Variants in KIRREL3 observed in about 807,000 individuals in gnomAD.
KIRREL3 encodes kin of IRRE-like protein 3.
A neutral mutation model predicts 89.7 loss-of-function variants in KIRREL3; 36 were observed. The ratio of observed to expected loss-of-function variants is 0.40; its 90% confidence interval spans 0.31 to 0.53. KIRREL3 has a LOEUF of 0.53. Ranked by LOEUF, KIRREL3 falls within the 20% of genes least tolerant of loss-of-function variation. KIRREL3 has a pLI of 0.49. For missense variants in KIRREL3, 864 were observed against 1,056.6 expected, an observed-to-expected ratio of 0.82 and a Z score of 2.53; for synonymous variants, 445 against 441.4, an observed-to-expected ratio of 1.01 and a Z score of -0.10.
Position 126,773,349 on chromosome 11 carries a change from C to T in KIRREL3, c.56-210437G>A, listed in dbSNP as rs1006610615. 2.6e-5 allele frequency among the ~76,000 whole-genome samples: 4 copies of T among 152,152 alleles called. No individual in the cohort carries two copies. Among genetic ancestry groups the T allele is most frequent in the Admixed American group, 6.5e-5 (1 of 15,278 alleles). ...AGTAGAACAAAAGGCTGGCCTCACC[C>T]GAGCAAGAAGGAACTCTCCAGCAGA... On this transcript the variant is annotated intron_variant, in intron 1 of 16. Transcript: ENST00000525144. This position sits in a 1 kb window ranked among gnomAD's most constrained non-coding sequence, Gnocchi z 4.2.
intron 1 of KIRREL3, among the ~76,000 whole-genome samples, chr11:126,818,620 TA>T (rs57094897): frequency 0.048 from 4,096 of 85,448 alleles, 83 homozygotes; most frequent in African/African-American, 0.099. Flanking sequence ...GTAGTAGTAG[TA>T]GTAGTGTGTG....
chr11:126,856,620 T>TG (rs1555061752), intron 1 of KIRREL3, among the ~76,000 whole-genome samples: 1 of 11,912 alleles, frequency 8.4e-5, no homozygotes, highest in Non-Finnish European at 1.6e-4. Flanking sequence ...CAGACATATA[T>TG]TTTTTTTTTC....
chr11:126,626,418 C>A (rs1943786380), intron 1 of KIRREL3, among the ~76,000 whole-genome samples: 1 of 152,228 alleles, frequency 6.6e-6, no homozygotes, highest in Non-Finnish European at 1.5e-5. Flanking sequence ...CATTCAGTAA[C>A]CAGCATGGCA....
Position 126,516,447 on chromosome 11 carries a change from A to T in KIRREL3, c.433+4868T>A, listed in dbSNP as rs1958411818. ...TTACCACCTCACATCCTGTACAGCAATGCAATTTATGGTTTAATCCGTGCA... is the reference window on the plus strand; with the variant it reads ...TTACCACCTCACATCCTGTACAGCATTGCAATTTATGGTTTAATCCGTGCA... On this transcript the variant is annotated intron_variant, in intron 4 of 16. Coordinates refer to ENST00000525144, the MANE Select transcript of KIRREL3 (RefSeq NM_032531.4). The surrounding 1 kb of genome is among the most constrained non-coding windows in gnomAD (Gnocchi z 4.9). Among the ~76,000 whole-genome samples the T allele has an allele frequency of 6.6e-6, 1 of 152,090 alleles. No homozygotes were observed. The highest frequency in any genetic ancestry group is 1.5e-5 in the Non-Finnish European group (1 of 68,016).
rs1051702859 is a variant in KIRREL3, at chr11:126,689,543, C to T, written c.56-126631G>A. Among the ~76,000 whole-genome samples the T allele has an allele frequency of 1.3e-5, 2 of 152,220 alleles. No individual in the cohort carries two copies. The highest frequency in any genetic ancestry group is 2.9e-5 in the Non-Finnish European group (2 of 68,038). ...AGAGTTTCCAGCTGCCTTCTTGTCA[C>T]CTGGCTCTACCTTACCTTGACACTC... is the stretch of plus-strand genomic sequence containing the variant. On this transcript the variant is annotated intron_variant, in intron 1 of 16. Transcript: ENST00000525144. The surrounding 1 kb of genome is among the most constrained non-coding windows in gnomAD (Gnocchi z 5.2).
rs1004135311 is a variant in KIRREL3 at position 126,498,961 on chromosome 11, T to C, written c.433+22354A>G. On this transcript the variant is annotated intron_variant, in intron 4 of 16. Transcript: ENST00000525144. This position sits in a 1 kb window ranked among gnomAD's most constrained non-coding sequence, Gnocchi z 4.3. The stretch of plus-strand genomic sequence containing the variant: ...GGGTGGATCACCTGAGGTCATGAGT[T>C]TGAGACCAGCTTGGGCAACATGGCC... Among the ~76,000 whole-genome samples, 1 of 152,016 alleles carries C rather than the reference T, an allele frequency of 6.6e-6. No individual in the cohort carries two copies. The highest frequency in any genetic ancestry group is 2.4e-5 in the African/African-American group (1 of 41,366).
At chr11:126,785,749 C>T (rs1950467218) in intron 1 of KIRREL3, among the ~76,000 whole-genome samples, 1 of 151,830 alleles carries the variant, frequency 6.6e-6, no homozygotes, top group African/African-American at 2.4e-5. Flanking sequence ...TGGTGCGCAC[C>T]TGTAGTCCCA....
rs1938337525 is a variant in KIRREL3, at chr11:126,541,162, C to T, written c.134-14475G>A. On this transcript the variant is annotated intron_variant, in intron 2 of 16. Coordinates refer to ENST00000525144, the MANE Select transcript of KIRREL3 (RefSeq NM_032531.4). The surrounding 1 kb of genome is among the most constrained non-coding windows in gnomAD (Gnocchi z 4.8). Reference sequence around the variant, plus strand: ...TCATGGATTGGCTGACTCCAAGATGCCCAGCACCTCTTGCTCCCATGTCTA... The same window carrying T: ...TCATGGATTGGCTGACTCCAAGATGTCCAGCACCTCTTGCTCCCATGTCTA... Among the ~76,000 whole-genome samples, 1 of 152,140 alleles carries T rather than the reference C, an allele frequency of 6.6e-6. No homozygotes were observed. The highest frequency in any genetic ancestry group is 6.5e-5 in the Admixed American group (1 of 15,276).
Position 126,459,106 on chromosome 11 carries a change from A to C in KIRREL3, c.743-2652T>G, listed in dbSNP as rs1412721917. On this transcript the variant is annotated intron_variant, in intron 6 of 16. Coordinates refer to ENST00000525144, the MANE Select transcript of KIRREL3 (RefSeq NM_032531.4). The surrounding 1 kb of genome is among the most constrained non-coding windows in gnomAD (Gnocchi z 4.8). ...ACGCATTGCTGGCCCGTGCCCTCGC[A>C]TTATAAAGGCCAACGCTGGGACGTG... 6.6e-6 allele frequency among the ~76,000 whole-genome samples: 1 copy of C among 152,098 alleles called. No homozygotes were observed. Among genetic ancestry groups the C allele is most frequent in the Non-Finnish European group, 1.5e-5 (1 of 68,022 alleles).
intron 1 of KIRREL3, among the ~76,000 whole-genome samples, chr11:126,819,876 C>T (rs10736556): frequency 0.28 from 42,216 of 152,102 alleles, 5,973 homozygotes; most frequent in East Asian, 0.43. Flanking sequence ...ACTCTCCCGA[C>T]GCACCCCAAA....
Position 126,516,025 on chromosome 11 carries a change from C to A in KIRREL3, c.433+5290G>T, listed in dbSNP as rs1422103066. On this transcript the variant is annotated intron_variant, in intron 4 of 16. Coordinates refer to ENST00000525144, the MANE Select transcript of KIRREL3 (RefSeq NM_032531.4). The surrounding 1 kb of genome is among the most constrained non-coding windows in gnomAD (Gnocchi z 4.9). ...GGGAGATTGGGGGAGGCTGCCAACG[C>A]GGTGGGCTGAGGAGGCCCTGCAGCT... Among the ~76,000 whole-genome samples the A allele has an allele frequency of 6.6e-6, 1 of 152,260 alleles. No individual in the cohort carries two copies. The highest frequency in any genetic ancestry group is 6.5e-5 in the Admixed American group (1 of 15,300).
At chr11:126,488,522 T>C (rs1957425522) in intron 4 of KIRREL3, among the ~76,000 whole-genome samples, 1 of 152,234 alleles carries the variant, frequency 6.6e-6, no homozygotes, top group Non-Finnish European at 1.5e-5. Flanking sequence ...CCCACTGCCT[T>C]CTCTTGTGTG....
At chr11:126,446,239 CTCTT>C (rs1189701551) in intron 9 of KIRREL3, among the ~76,000 whole-genome samples, 1 of 137,730 alleles carries the variant, frequency 7.3e-6, no homozygotes, top group Admixed American at 7.5e-5. Flanking sequence ...GTTTAAAAGG[CTCTT>C]TCTTTCTCTT....
Position 126,631,075 on chromosome 11 carries a change from T to C in KIRREL3, c.56-68163A>G, listed in dbSNP as rs139191266. ...CATACACAGTGACACAGTAGCTACT[T>C]CGTGTTCCCTCTTCATTCAGTTGTC... On this transcript the variant is annotated intron_variant, in intron 1 of 16. Transcript: ENST00000525144. Among the ~76,000 whole-genome samples, 100 of 152,318 alleles carry C rather than the reference T, an allele frequency of 6.6e-4. 1 individual carries two copies. The highest frequency in any genetic ancestry group is 2.3e-3 in the African/African-American group (97 of 41,572).
chr11:126,894,296 G>A (rs1946049716), intron 1 of KIRREL3, among the ~76,000 whole-genome samples: 1 of 152,146 alleles, frequency 6.6e-6, no homozygotes, highest in Non-Finnish European at 1.5e-5. Context: ...TCCAGGCATT[G>A]TGTTAGGTGT....
In KIRREL3 at chr11:126,722,000, A is replaced by G. The variant is rs760404482; in HGVS notation, c.56-159088T>C. Among the ~76,000 whole-genome samples the G allele has an allele frequency of 5.3e-5, 8 of 152,208 alleles. No individual in the cohort carries two copies. The South Asian group carries it at 8.3e-4, about 16-fold the overall frequency. ...GTTCCCATGGAAGTCCTTCCCTGTG[A>G]ACAATGTCAGGACCCCTTAGCATGG... On this transcript the variant is annotated intron_variant, in intron 1 of 16. Transcript: ENST00000525144.
At chr11:126,878,661 T>C (rs1208006735) in intron 1 of KIRREL3, among the ~76,000 whole-genome samples, 1 of 151,488 alleles carries the variant, frequency 6.6e-6, no homozygotes. Flanking sequence ...ATAATGAAGA[T>C]CTAAAGATTT....
chr11:126,435,233 C>A (rs533095933), intron 13 of KIRREL3, 35 bp downstream of exon 13: 1 of 1,612,520 alleles, frequency 6.2e-7, no homozygotes, highest in East Asian at 2.2e-5. Flanking sequence ...CCCTTCCCCC[C>A]TTCCCAGGGC....
intron 1 of KIRREL3, among the ~76,000 whole-genome samples, chr11:126,699,022 C>T (rs1947211796): frequency 6.6e-6 from 1 of 152,180 alleles, no homozygotes; most frequent in African/African-American, 2.4e-5. Context: ...AGCTCTTCTC[C>T]CTTTCCTTTC....
Sources: gnomAD v4.1 joint callset for allele counts (sites outside exome capture counted in the v4.1 genomes callset) on GRCh38, gnomAD v4.1.1 for gene constraint, Gnocchi (gnomAD v3.1) non-coding constraint, MANE v1.5 for transcripts, NCBI Gene and HGNC (gene_info 2026-07-23, HGNC 2026-07-21) for gene names.